The following CLIC5 variants were observed in gnomAD, a reference collection of about 807,000 sequenced individuals.
CLIC5 encodes the protein chloride intracellular channel protein 5.
Under a neutral mutation model 24.7 loss-of-function variants are expected in CLIC5, and 20 were observed. The ratio of observed to expected loss-of-function variants is 0.81; its 90% confidence interval spans 0.57 to 1.18. The LOEUF (loss-of-function observed/expected upper bound fraction) is 1.18. CLIC5 is among the 50% of genes most tolerant of loss of function. The pLI, the probability that CLIC5 is intolerant of heterozygous loss-of-function variation, is 0.00. For synonymous variants in CLIC5, 159 were observed against 135.6 expected, an observed-to-expected ratio of 1.17 and a Z score of -1.20; for missense variants, 341 against 326.1, an observed-to-expected ratio of 1.05 and a Z score of -0.35.
At chr6:46,079,199 T>A (rs536542255) in intron 1 of CLIC5, among the ~76,000 whole-genome samples, 187 of 152,318 alleles carry the variant, frequency 1.2e-3, no homozygotes, top group African/African-American at 4.1e-3. Flanking sequence ...ACTGAAATCA[T>A]TTGACTTCAT....
intron 5 of CLIC5, among the ~76,000 whole-genome samples, chr6:45,906,936 G>A (rs749715541): frequency 3.3e-5 from 5 of 152,186 alleles, no homozygotes; most frequent in Admixed American, 1.3e-4. Flanking sequence ...AGTCTTTAGG[G>A]TTTTTGAGGA....
At chr6:46,119,010 G>T in the CLIC5 span, among the ~76,000 whole-genome samples, 1 of 152,230 alleles carries the variant, frequency 6.6e-6, no homozygotes, top group Non-Finnish European at 1.5e-5. Flanking sequence ...AAGATGCTTT[G>T]CAGATAAGAG....
chr6:45,908,802 T>C (rs1762732199), intron 5 of CLIC5, among the ~76,000 whole-genome samples: 1 of 152,190 alleles, frequency 6.6e-6, no homozygotes, highest in African/African-American at 2.4e-5. Flanking sequence ...TGTCAAGTGT[T>C]GAATTTGAGT....
At chr6:45,965,038 T>G (rs1764972764) in intron 1 of CLIC5, among the ~76,000 whole-genome samples, 1 of 152,222 alleles carries the variant, frequency 6.6e-6, no homozygotes, top group Non-Finnish European at 1.5e-5. Flanking sequence ...TATGCCTTGA[T>G]GAAGAGTCAA....
chr6:46,105,547 T>C, the CLIC5 span, among the ~76,000 whole-genome samples: 1 of 152,210 alleles, frequency 6.6e-6, no homozygotes, highest in Non-Finnish European at 1.5e-5. Flanking sequence ...TGTCTTTCTC[T>C]TTACTGTCTT....
chr6:45,913,940 A>G (rs1341011985), intron 5 of CLIC5: 4 of 568,958 alleles, frequency 7.0e-6, no homozygotes, highest in Non-Finnish European at 1.0e-5. Context: ...AATTGCGACT[A>G]TTACACATAT....
At chr6:45,965,253 A>C (rs961921406) in intron 1 of CLIC5, among the ~76,000 whole-genome samples, 1 of 152,200 alleles carries the variant, frequency 6.6e-6, no homozygotes, top group Non-Finnish European at 1.5e-5. Flanking sequence ...TTGGTTAACT[A>C]TTGGTACAAT....
intron 1 of CLIC5, among the ~76,000 whole-genome samples, chr6:45,987,960 C>A (rs2127420524): frequency 6.6e-6 from 1 of 152,338 alleles, no homozygotes. Context: ...GGCCTTCTCA[C>A]ATGCAATATG....
chr6:45,961,159 G>T (rs1022742934), intron 1 of CLIC5, among the ~76,000 whole-genome samples: 1 of 152,220 alleles, frequency 6.6e-6, no homozygotes, highest in African/African-American at 2.4e-5. Context: ...TATTAGGAAA[G>T]AAACCTCAGT....
rs773073783 is a variant in CLIC5, at chr6:46,004,269, A to G, written c.63+11211T>C. On this transcript the variant is annotated intron_variant, in intron 1 of 5. Transcript: ENST00000339561. Reference sequence around the variant, plus strand: ...AACAAGAATACATAACTTAGTTTCTACGGTAGAGACTAGCTCCAAACCTGC... The same window carrying G: ...AACAAGAATACATAACTTAGTTTCTGCGGTAGAGACTAGCTCCAAACCTGC... 6.6e-5 allele frequency among the ~76,000 whole-genome samples: 10 copies of G among 152,316 alleles called. 1 individual carries two copies. In the South Asian group the frequency reaches 1.2e-3, roughly 19 times the overall value.
chr6:45,927,476 G>A (rs1173959735), intron 4 of CLIC5, among the ~76,000 whole-genome samples: 1 of 152,196 alleles, frequency 6.6e-6, no homozygotes, highest in East Asian at 1.9e-4. Flanking sequence ...AGAAACAGAG[G>A]CAGTAAAGCT....
At chr6:45,947,804 A>ATG (rs925411405) in intron 3 of CLIC5, among the ~76,000 whole-genome samples, 34 of 151,972 alleles carry the variant, frequency 2.2e-4, no homozygotes, top group Non-Finnish European at 2.6e-4. Context: ...CTCTTCAGAG[A>ATG]TGTGTGTGTG....
At chr6:45,898,251 T>C (rs1762424916), downstream of CLIC5, among the ~76,000 whole-genome samples, 1 of 152,148 alleles carries the variant, frequency 6.6e-6, no homozygotes. Flanking sequence ...GAGGCCAGCC[T>C]GGCCAACATG....
chr6:45,913,770 G>A, intron 5 of CLIC5: 1 of 1,230,958 alleles, frequency 8.1e-7, no homozygotes, highest in Non-Finnish European at 1.0e-6. Flanking sequence ...AAAATAATGT[G>A]GGCTCACCTT....
At chr6:45,924,789 G>T (rs1441404868) in intron 4 of CLIC5, among the ~76,000 whole-genome samples, 1 of 151,982 alleles carries the variant, frequency 6.6e-6, no homozygotes, top group African/African-American at 2.4e-5. Context: ...TTTCAGGGTA[G>T]CAATGTGCCC....
chr6:45,890,264 T>C (rs1191315710), intron 6 of CLIC5, among the ~76,000 whole-genome samples: 1 of 152,144 alleles, frequency 6.6e-6, no homozygotes, highest in Non-Finnish European at 1.5e-5. Flanking sequence ...ATTTTCGCTT[T>C]CATTTCTCAA....
intron 4 of CLIC5, among the ~76,000 whole-genome samples, chr6:45,925,980 A>G (rs1450653697): frequency 6.6e-6 from 1 of 152,074 alleles, no homozygotes; most frequent in Non-Finnish European, 1.5e-5. Flanking sequence ...CCTGGGCAAA[A>G]TGTTGAGTAA....
intron 4 of CLIC5, among the ~76,000 whole-genome samples, chr6:45,918,515 G>A (rs1763118616): frequency 6.6e-6 from 1 of 152,216 alleles, no homozygotes; most frequent in African/African-American, 2.4e-5. Context: ...CACATGGAGA[G>A]GAGCAGATAT....
At chr6:45,887,412 C>T (rs1161010003) in intron 6 of CLIC5, among the ~76,000 whole-genome samples, 1 of 152,198 alleles carries the variant, frequency 6.6e-6, no homozygotes, top group East Asian at 1.9e-4. Context: ...TGTCTTCCCT[C>T]TGTGTCTACA....
Sources: gnomAD v4.1 joint callset for allele counts (sites outside exome capture counted in the v4.1 genomes callset) on GRCh38, gnomAD v4.1.1 for gene constraint, MANE v1.5 for transcripts, NCBI Gene and HGNC (gene_info 2026-07-23, HGNC 2026-07-21) for gene names.